Variants in NANS observed in about 807,000 individuals in gnomAD.
NANS encodes the protein N-acetylneuraminate-9-phosphate synthase.
In NANS, 29 loss-of-function variants were observed where a neutral mutation model predicts 33.3. The observed-to-expected ratio is 0.87, with a 90% CI of 0.65 to 1.19. NANS has a LOEUF of 1.19. NANS is among the 50% of genes most tolerant of loss of function. NANS has a pLI of 0.00. For missense variants in NANS, 394 were observed against 461.1 expected, an observed-to-expected ratio of 0.85 and a Z score of 1.33; for synonymous variants, 163 against 177.2, an observed-to-expected ratio of 0.92 and a Z score of 0.64.
intron 5 of NANS, chr9:98,081,439 A>G: frequency 4.5e-6 from 1 of 222,502 alleles, no homozygotes; most frequent in South Asian, 8.7e-5. Context: ...CCCTTGGAGC[A>G]GGTAAGCCCT....
intron 2 of NANS, among the ~76,000 whole-genome samples, chr9:98,073,811 ATTTTT>A (rs10538675): frequency 0.31 from 46,636 of 150,222 alleles, 9,368 homozygotes; most frequent in African/African-American, 0.58. Flanking sequence ...TTTTTGGTTT[ATTTTT>A]TGTTTTGTCA....
intron 5 of NANS, 81 bp downstream of exon 5, chr9:98,081,163 C>T (rs1587931927): frequency 1.3e-6 from 2 of 1,561,482 alleles, no homozygotes; most frequent in Non-Finnish European, 8.7e-7. Context: ...TGGTCAGGAC[C>T]AGCCCTCCCT....
At chr9:98,073,685 CCT>C (rs779299383) in intron 2 of NANS, among the ~76,000 whole-genome samples, 3 of 151,994 alleles carry the variant, frequency 2.0e-5, no homozygotes, top group Non-Finnish European at 4.4e-5. Context: ...TTTCCTTACC[CCT>C]GACTCAGATC....
At position 98,056,793 on chromosome 9, in the gene NANS, A is replaced by G; in HGVS notation, c.-16A>G. 6.2e-7 allele frequency: 1 copy of G among 1,604,028 alleles called. No homozygotes were observed. On this transcript the variant is annotated 5_prime_UTR_variant, in exon 1 of 6. Transcript: ENST00000210444. ...ACCCAGACTGGTAGTGAGGCTTTGGACCCCGAGCCGCTGCAATGCCGCTGG... is the reference window on the plus strand; with the variant it reads ...ACCCAGACTGGTAGTGAGGCTTTGGGCCCCGAGCCGCTGCAATGCCGCTGG...
chr9:98,070,267 G>A (rs920650961), intron 2 of NANS, among the ~76,000 whole-genome samples: 36 of 152,068 alleles, frequency 2.4e-4, no homozygotes, highest in Non-Finnish European at 1.0e-4. Context: ...ACAGGTGTAT[G>A]CCACCATGCC....
At chr9:98,066,138 A>G (rs762438604) in intron 2 of NANS, among the ~76,000 whole-genome samples, 1 of 152,198 alleles carries the variant, frequency 6.6e-6, no homozygotes, top group Non-Finnish European at 1.5e-5. Flanking sequence ...TGTTGAATCC[A>G]TAGTAAGGAG....
intron 1 of NANS, among the ~76,000 whole-genome samples, chr9:98,059,400 T>G (rs1828912930): frequency 6.6e-6 from 1 of 152,042 alleles, no homozygotes; most frequent in Admixed American, 6.6e-5. Flanking sequence ...TGGGTTTTAA[T>G]TACTCTTTTT....
chr9:98,076,862 TAAC>T (rs1288542861), intron 2 of NANS, 53 bp from the exon 3 acceptor site: 13 of 1,429,790 alleles, frequency 9.1e-6, no homozygotes, highest in East Asian at 2.3e-5. Flanking sequence ...TTGCCTGTCA[TAAC>T]AACAGTGTTT....
Position 98,078,236 on chromosome 9 carries a change from C to G in NANS, c.492C>G (p.Thr164=). Residue 164 remains threonine, a synonymous_variant, in exon 4 of 6, where the codon ACC becomes ACG. Transcript: ENST00000210444. ...CCAGTGGGATGCAGTCAATGGACAC[C>G]ATGAAGCAAGTTTATCAGATCGTGA... ...VISSGMQSMD[T]MKQVYQIVKP... The G allele has an allele frequency of 6.2e-7, 1 of 1,614,134 alleles. No homozygotes were observed.
chr9:98,062,244 G>T (rs1303171934), intron 2 of NANS, among the ~76,000 whole-genome samples: 1 of 151,772 alleles, frequency 6.6e-6, no homozygotes. Context: ...GGAAACCACA[G>T]TTCTGGAGTC....
chr9:98,081,326 C>A, intron 5 of NANS: 1 of 547,440 alleles, frequency 1.8e-6, no homozygotes, highest in Non-Finnish European at 3.2e-6. Flanking sequence ...CCTAGGGTCA[C>A]ATTAGAGTCT....
In NANS at chr9:98,078,321, G is replaced by A; in HGVS notation, c.577G>A (p.Glu193Lys). The A allele has an allele frequency of 6.2e-7, 1 of 1,613,998 alleles. No individual in the cohort carries two copies. Among genetic ancestry groups the A allele is most frequent in the Non-Finnish European group, 8.5e-7 (1 of 1,179,980 alleles). ...TACCAGCGCATACCCGCTCCAGCCT[G>A]AGGACGTCAACCTGCGGGTCATCTC... is the stretch of plus-strand genomic sequence containing the variant. ...QCTSAYPLQP[E>K]DVNLRVISEY... The change falls in exon 4 of 6, where the codon GAG (glutamate) becomes AAG (lysine). Residue 193 changes from glutamate (E) to lysine (K), a missense_variant. Glu to Lys is a moderately conservative substitution (Grantham distance 56). Transcript: ENST00000210444.
intron 2 of NANS, among the ~76,000 whole-genome samples, chr9:98,068,161 G>A (rs563682624): frequency 6.6e-6 from 1 of 152,044 alleles, no homozygotes; most frequent in African/African-American, 2.4e-5. Context: ...TTGAGATAGG[G>A]TTACACTCTG....
At chr9:98,057,380 G>C (rs542780372) in intron 1 of NANS, among the ~76,000 whole-genome samples, 4 of 152,134 alleles carry the variant, frequency 2.6e-5, no homozygotes, top group Non-Finnish European at 4.4e-5. Context: ...AGGAATGACA[G>C]TTCCTGGAAG....
At chr9:98,076,849 T>C in intron 2 of NANS, 69 bp from the exon 3 acceptor site, 3 of 1,275,036 alleles carry the variant, frequency 2.4e-6, no homozygotes, top group Non-Finnish European at 3.4e-6. Context: ...TGTATGTTAT[T>C]CCTTGCCTGT....
At chr9:98,075,677 G>A (rs1007143558) in intron 2 of NANS, 2 of 152,012 alleles carry the variant, frequency 1.3e-5, no homozygotes, top group Non-Finnish European at 2.9e-5. Context: ...TGATTTTTTC[G>A]ACTTTTGATT....
chr9:98,060,020 T>C (rs983819516), intron 1 of NANS, among the ~76,000 whole-genome samples: 3 of 152,198 alleles, frequency 2.0e-5, no homozygotes, highest in Non-Finnish European at 2.9e-5. Flanking sequence ...ACTGCTTTTA[T>C]ATCGATGGAG....
chr9:98,071,354 C>G (rs930223580), intron 2 of NANS, among the ~76,000 whole-genome samples: 4 of 152,176 alleles, frequency 2.6e-5, no homozygotes, highest in African/African-American at 9.7e-5. Flanking sequence ...TGAATGGACT[C>G]TAGGGTCAGA....
intron 5 of NANS, chr9:98,081,975 A>C (rs1229638460): frequency 6.6e-6 from 1 of 152,256 alleles, no homozygotes; most frequent in African/African-American, 2.4e-5. Context: ...CTCTCTGAGC[A>C]GACAGTAAAA....
Sources: gnomAD v4.1 joint callset for allele counts (sites outside exome capture counted in the v4.1 genomes callset) on GRCh38, gnomAD v4.1.1 for gene constraint, MANE v1.5 for transcripts, NCBI Gene and HGNC (gene_info 2026-07-23, HGNC 2026-07-21) for gene names.